Variants in ERMP1 observed in about 807,000 individuals in gnomAD.
ERMP1 encodes the protein Felix-ina.
Under a neutral mutation model 92.0 loss-of-function variants are expected in ERMP1, and 86 were observed. The observed-to-expected ratio is 0.93, with a 90% CI of 0.79 to 1.12. The LOEUF is 1.12. Among genes scored for constraint, ERMP1 ranks in the 50% most tolerant of loss-of-function variants. ERMP1 has a pLI of 0.00. For missense variants in ERMP1, 1,342 were observed against 1,116.3 expected (o/e 1.20, Z -2.88); for synonymous variants, 530 against 412.8 (o/e 1.28, Z -3.44).
rs549231465 is a variant in ERMP1 at position 5,798,407 on chromosome 9, G to A, written c.2270+399C>T. Among the ~76,000 whole-genome samples the A allele has an allele frequency of 1.3e-4, 20 of 152,064 alleles. No individual in the cohort carries two copies. In the East Asian group the frequency reaches 2.9e-3, roughly 22 times the overall value. On this transcript the variant is annotated intron_variant, in intron 12 of 14. Transcript: ENST00000339450. ...AATTTTATATTTTTAGTAGAGACACGGTTTCTCCAGGTTTGTCAGGCTGGT... is the reference window on the plus strand; with the variant it reads ...AATTTTATATTTTTAGTAGAGACACAGTTTCTCCAGGTTTGTCAGGCTGGT...
At chr9:5,845,558 A>G (rs1446516353) in intron 6 of ERMP1, among the ~76,000 whole-genome samples, 2 of 152,074 alleles carry the variant, frequency 1.3e-5, no homozygotes, top group Admixed American at 6.5e-5. Context: ...GATTATCTGG[A>G]GTTCTTCCAG....
At chr9:5,816,983 C>G (rs1829334828) in intron 4 of ERMP1, among the ~76,000 whole-genome samples, 1 of 151,354 alleles carries the variant, frequency 6.6e-6, no homozygotes, top group African/African-American at 2.4e-5. Flanking sequence ...ACTGCAAGCT[C>G]TGCCTCCCGG....
intron 13 of ERMP1, among the ~76,000 whole-genome samples, chr9:5,796,879 T>C (rs568173504): frequency 2.6e-5 from 4 of 152,276 alleles, no homozygotes; most frequent in African/African-American, 9.6e-5. Flanking sequence ...ACAACAGGCT[T>C]CGATTAATAA....
intron 5 of ERMP1, among the ~76,000 whole-genome samples, chr9:5,860,830 C>A (rs1009012501): frequency 3.9e-5 from 6 of 152,054 alleles, no homozygotes; most frequent in Non-Finnish European, 8.8e-5. Context: ...GATCTTCCTG[C>A]CTCAGTCTCC....
chr9:5,844,112 A>G lies in ERMP1; in HGVS notation n.3200-10800T>C, dbSNP rs182000645. On this transcript the variant is annotated intron_variant and non_coding_transcript_variant, in intron 6 of 6. Coordinates refer to the ERMP1 transcript ENST00000690753. ...TTCCTTACCAGGGGTAAGGAAAAAAATCTTTCCTCTTAAAATTAGACACCC... is the reference window on the plus strand; with the variant it reads ...TTCCTTACCAGGGGTAAGGAAAAAAGTCTTTCCTCTTAAAATTAGACACCC... 2.4e-3 allele frequency among the ~76,000 whole-genome samples: 362 copies of G among 152,246 alleles called. 1 individual carries two copies. The highest frequency in any genetic ancestry group is 4.6e-3 in the Non-Finnish European group (310 of 68,008).
intron 12 of ERMP1, among the ~76,000 whole-genome samples, chr9:5,798,152 C>A (rs1322838876): frequency 6.6e-6 from 1 of 152,174 alleles, no homozygotes; most frequent in African/African-American, 2.4e-5. Flanking sequence ...GATTCCACCA[C>A]CCATCCTATT....
chr9:5,832,488 G>A lies in ERMP1; in HGVS notation c.338+202C>T, dbSNP rs1322713249. 21 of 477,436 alleles carry A rather than the reference G, an allele frequency of 4.4e-5. No homozygotes were observed. The South Asian group carries it at 6.3e-4, about 14-fold the overall frequency. 29.6% of individuals were successfully genotyped at this position (477,436 alleles called of 1,614,324 possible). On this transcript the variant is annotated intron_variant, in intron 1 of 14. Transcript: ENST00000339450. ...CCAATCTGCACCACGAGCTTAACCGGGGACAGGCAAGCCCCAAGTCCCGGC... is the reference window on the plus strand; with the variant it reads ...CCAATCTGCACCACGAGCTTAACCGAGGACAGGCAAGCCCCAAGTCCCGGC...
chr9:5,863,095 C>A (rs905337799), intron 5 of ERMP1, among the ~76,000 whole-genome samples: 2 of 152,188 alleles, frequency 1.3e-5, no homozygotes, highest in African/African-American at 4.8e-5. Flanking sequence ...CCAATAATTA[C>A]AGCAGCAAGA....
Position 5,830,953 on chromosome 9 carries a change from G to C in ERMP1, c.414C>G (p.His138Gln), listed in dbSNP as rs990176768. The C allele has an allele frequency of 1.2e-6, 2 of 1,613,982 alleles. No homozygotes were observed. Among genetic ancestry groups the C allele is most frequent in the Non-Finnish European group, 1.7e-6 (2 of 1,179,962 alleles). The change falls in exon 2 of 15, where the codon CAC becomes CAG. Residue 138 changes from histidine to glutamine, a missense_variant. Physicochemically the swap from His to Gln is conservative, Grantham distance 24. Transcript: ENST00000339450. ...GSPENEILTV[H>Q]YLLEQIKLIE... ...TCAGTTTAATCTGTTCCAAAAGGTA[G>C]TGCACGGTCAGAATTTCATTTTCTG...
Position 5,801,226 on chromosome 9 carries a change from G to T in ERMP1, c.2017C>A (p.Pro673Thr). 6.2e-7 allele frequency: 1 copy of T among 1,613,680 alleles called. No individual in the cohort carries two copies. Among genetic ancestry groups the T allele is most frequent in the Non-Finnish European group, 8.5e-7 (1 of 1,179,806 alleles). ...FLLVCSGTFF[P>T]YSSNPANPKP... is the part of the protein sequence containing the mutation. ...GGATTAGCAGGATTGGAGCTATATG[G>T]AAAAAATGTTCCACTGCAAACAAGG... The change falls in exon 11 of 15, where the codon CCA becomes ACA. Residue 673 changes from proline (P) to threonine (T), a missense_variant. Coordinates refer to ENST00000339450, the MANE Select transcript of ERMP1 (RefSeq NM_024896.3).
At chr9:5,806,806 A>C (rs1447638509) in intron 8 of ERMP1, among the ~76,000 whole-genome samples, 1 of 152,126 alleles carries the variant, frequency 6.6e-6, no homozygotes, top group Non-Finnish European at 1.5e-5. Flanking sequence ...TGAAAGTTTT[A>C]ATTACGGTGC....
At chr9:5,855,880 A>C (rs962845994) in intron 6 of ERMP1, 1 of 201,772 alleles carries the variant, frequency 5.0e-6, no homozygotes. Flanking sequence ...TGGTGGAGCA[A>C]GCCTGGGCTC....
chr9:5,829,104 G>C (rs773408022), intron 2 of ERMP1, among the ~76,000 whole-genome samples: 1 of 151,510 alleles, frequency 6.6e-6, no homozygotes, highest in African/African-American at 2.4e-5. Flanking sequence ...AAAATCAGCC[G>C]AGTGTGGTGG....
intron 11 of ERMP1, among the ~76,000 whole-genome samples, chr9:5,800,628 A>G (rs1002250777): frequency 6.6e-6 from 1 of 152,170 alleles, no homozygotes; most frequent in Non-Finnish European, 1.5e-5. Context: ...GTGAGCCAAG[A>G]TCGTTCCACT....
Position 5,844,944 on chromosome 9 carries a change from T to A in ERMP1, n.3200-11632A>T, listed in dbSNP as rs568882014. Reference sequence around the variant, plus strand: ...GAGCATGTCAGCCTTGTGGTTTTCTTCAGAGGGCAGGATGTGTCCTGGCCC... The same window carrying A: ...GAGCATGTCAGCCTTGTGGTTTTCTACAGAGGGCAGGATGTGTCCTGGCCC... On this transcript the variant is annotated intron_variant and non_coding_transcript_variant, in intron 6 of 6. Coordinates refer to the ERMP1 transcript ENST00000690753. Among the ~76,000 whole-genome samples the A allele has an allele frequency of 3.3e-5, 5 of 152,298 alleles. No homozygotes were observed. In the East Asian group the frequency reaches 9.6e-4, roughly 29 times the overall value.
At chr9:5,866,559 C>A (rs913117660) in intron 5 of ERMP1, among the ~76,000 whole-genome samples, 2 of 152,136 alleles carry the variant, frequency 1.3e-5, no homozygotes, top group Non-Finnish European at 2.9e-5. Context: ...TCCCTCTCAA[C>A]CACTCCAAAA....
chr9:5,812,246 T>C (rs751579917), intron 5 of ERMP1, 29 bp from the exon 6 acceptor site: 4 of 1,311,974 alleles, frequency 3.0e-6, no homozygotes, highest in Non-Finnish European at 4.2e-6. Flanking sequence ...AAAAAAAAAG[T>C]CATTTTGCTT....
intron 8 of ERMP1, among the ~76,000 whole-genome samples, chr9:5,808,648 C>A (rs1422257398): frequency 6.6e-6 from 1 of 152,192 alleles, no homozygotes; most frequent in South Asian, 2.1e-4. Context: ...TAAGAAAGAT[C>A]TTCCTCTTTA....
At chr9:5,835,350 A>ACGTGCG (rs1830079060), upstream of ERMP1, among the ~76,000 whole-genome samples, 2 of 150,468 alleles carry the variant, frequency 1.3e-5, no homozygotes, top group South Asian at 2.1e-4. Flanking sequence ...GAGACAATGA[A>ACGTGCG]CGCGCGCGCG....
Sources: allele counts gnomAD v4.1 joint callset (sites outside exome capture counted in the v4.1 genomes callset), GRCh38; gene constraint gnomAD v4.1.1; transcripts MANE v1.5; gene names NCBI Gene and HGNC (gene_info 2026-07-23, HGNC 2026-07-21).